Variants in SDK1 observed in about 807,000 individuals in gnomAD.
SDK1 encodes the protein sidekick cell adhesion molecule 1.
SDK1 carries 157 observed loss-of-function variants against 245.5 expected under a neutral mutation model. That is an observed-to-expected ratio of 0.64 (90% CI 0.56 to 0.73). SDK1 has a LOEUF of 0.73. Ranked by LOEUF, SDK1 falls within the 30% of genes least tolerant of loss-of-function variation. The probability of loss-of-function intolerance (pLI) is 0.00; values close to 1 mark genes in which losing one functional copy is unlikely to be tolerated. For synonymous variants in SDK1, 1,647 were observed against 1,278.5 expected, an observed-to-expected ratio of 1.29 and a Z score of -6.15; for missense variants, 3,583 against 3,002.3, an observed-to-expected ratio of 1.19 and a Z score of -4.52.
intron 1 of SDK1, among the ~76,000 whole-genome samples, chr7:3,509,680 C>G (rs1782513754): frequency 6.6e-6 from 1 of 152,190 alleles, no homozygotes; most frequent in African/African-American, 2.4e-5. Flanking sequence ...TCACTCAACA[C>G]TTAACCTCTG....
chr7:3,312,440 T>A (rs1481890941), intron 1 of SDK1, among the ~76,000 whole-genome samples: 1 of 151,968 alleles, frequency 6.6e-6, no homozygotes, highest in Non-Finnish European at 1.5e-5. Context: ...ATGAAAGAGA[T>A]TAATTGCTTA....
intron 5 of SDK1, among the ~76,000 whole-genome samples, chr7:3,831,839 G>A (rs1779919665): frequency 6.6e-6 from 1 of 152,048 alleles, no homozygotes; most frequent in South Asian, 2.1e-4. Flanking sequence ...TCGAGCCCAG[G>A]AGTTCAAGAC....
chr7:4,205,033 T>A (rs1435629391), intron 35 of SDK1, among the ~76,000 whole-genome samples: 1 of 75,198 alleles, frequency 1.3e-5, no homozygotes, highest in Non-Finnish European at 2.6e-5. Flanking sequence ...CGCAACATCC[T>A]CATGTGTCCT....
intron 14 of SDK1, among the ~76,000 whole-genome samples, chr7:4,005,039 CTTTTTTTTTTTTTT>C (rs1162979240): frequency 2.2e-5 from 2 of 91,002 alleles, no homozygotes; most frequent in African/African-American, 4.6e-5. Context: ...GTTCCTGCAC[CTTTTTTTTTTTTTT>C]TTTTTTTTTT....
intron 1 of SDK1, among the ~76,000 whole-genome samples, chr7:3,461,657 C>T (rs187194842): frequency 6.6e-6 from 1 of 152,158 alleles, no homozygotes; most frequent in East Asian, 1.9e-4. Context: ...AAAACTTTCC[C>T]TTTTCCTTCT....
chr7:3,684,524 TA>T (rs1346056361), intron 4 of SDK1, among the ~76,000 whole-genome samples: 14 of 152,118 alleles, frequency 9.2e-5, no homozygotes, highest in Non-Finnish European at 1.5e-4. Flanking sequence ...GTAAGCCCAC[TA>T]AAAAGAGATG....
intron 1 of SDK1, among the ~76,000 whole-genome samples, chr7:3,570,716 C>G (rs554729962): frequency 2.0e-5 from 3 of 152,188 alleles, no homozygotes; most frequent in Non-Finnish European, 4.4e-5. Context: ...TCTCACGTAA[C>G]GAGGCCTGTG....
intron 17 of SDK1, among the ~76,000 whole-genome samples, chr7:4,042,980 AC>A (rs1306125264): frequency 1.3e-5 from 2 of 152,336 alleles, no homozygotes; most frequent in East Asian, 3.9e-4. Context: ...TTTGAATTAA[AC>A]CTAGGGTATT....
chr7:4,114,162 C>T lies in SDK1; in HGVS notation c.3711C>T (p.Phe1237=). ...QVVSDRLERE[F]TIEELEEWME... ...TCAGTGACCGGCTGGAGAGAGAATT[C>T]ACCATCGAGGAGCTGGAGGAGTGGA... The change falls in exon 25 of 45, where the codon TTC becomes TTT. Residue 1237 remains phenylalanine, a synonymous_variant. Coordinates refer to ENST00000404826, the MANE Select transcript of SDK1 (RefSeq NM_152744.4). The T allele has an allele frequency of 6.2e-7, 1 of 1,614,230 alleles. No individual in the cohort carries two copies. Among genetic ancestry groups the T allele is most frequent in the Non-Finnish European group, 8.5e-7 (1 of 1,180,040 alleles).
intron 1 of SDK1, among the ~76,000 whole-genome samples, chr7:3,448,231 C>T (rs148922100): frequency 4.3e-4 from 66 of 152,184 alleles, no homozygotes; most frequent in African/African-American, 1.4e-3. Context: ...ACTGCTATCT[C>T]GTTGCTTTAA....
chr7:4,265,178 T>C lies in SDK1; in HGVS notation c.6436T>C (p.Tyr2146His). Residue 2146 changes from tyrosine to histidine, a missense_variant, in exon 45 of 45, where the codon TAC becomes CAC. Transcript: ENST00000404826. ...ALPKHSFVNH[Y>H]MSDPTYYNSW... is the part of the protein sequence containing the mutation. The stretch of plus-strand genomic sequence containing the variant: ...GCCCAAGCACTCCTTCGTGAACCAC[T>C]ACATGAGCGACCCCACCTACTACAA... The C allele has an allele frequency of 6.2e-7, 1 of 1,612,442 alleles. No homozygotes were observed. Among genetic ancestry groups the C allele is most frequent in the Non-Finnish European group, 8.5e-7 (1 of 1,179,636 alleles).
intron 1 of SDK1, among the ~76,000 whole-genome samples, chr7:3,481,368 T>C (rs10499335): frequency 0.53 from 81,078 of 151,940 alleles, 22,476 homozygotes; most frequent in African/African-American, 0.69. Flanking sequence ...TTTCGTTTAT[T>C]GAGTGTGATA....
At chr7:3,577,482 G>C (rs557715359) in intron 1 of SDK1, among the ~76,000 whole-genome samples, 1 of 151,954 alleles carries the variant, frequency 6.6e-6, no homozygotes, top group Admixed American at 6.6e-5. Context: ...TGCCCTACAG[G>C]ATGGCTCTTT....
At chr7:3,313,479 A>G (rs1779596651) in intron 1 of SDK1, among the ~76,000 whole-genome samples, 1 of 152,250 alleles carries the variant, frequency 6.6e-6, no homozygotes, top group African/African-American at 2.4e-5. Context: ...TAAAAAATGC[A>G]CTTCAAAAAG....
At chr7:3,496,245 C>T (rs1444727544) in intron 1 of SDK1, among the ~76,000 whole-genome samples, 1 of 152,090 alleles carries the variant, frequency 6.6e-6, no homozygotes, top group Non-Finnish European at 1.5e-5. Flanking sequence ...GTTAGCATAT[C>T]TGAGGCTCCC....
chr7:3,519,771 T>C (rs1241447671), intron 1 of SDK1, among the ~76,000 whole-genome samples: 1 of 152,186 alleles, frequency 6.6e-6, no homozygotes, highest in East Asian at 1.9e-4. Context: ...GAGACTCATA[T>C]AATAGAATTC....
At chr7:3,903,388 C>T (rs899295635) in intron 5 of SDK1, among the ~76,000 whole-genome samples, 10 of 152,034 alleles carry the variant, frequency 6.6e-5, no homozygotes, top group East Asian at 3.9e-4. Context: ...CCTTGTGATC[C>T]GCCCACCTCG....
chr7:3,832,371 T>C (rs530265087), intron 5 of SDK1, among the ~76,000 whole-genome samples: 17 of 152,362 alleles, frequency 1.1e-4, no homozygotes, highest in Middle Eastern at 3.4e-3. Flanking sequence ...GGTCACCTTT[T>C]GGTAGCAGTT....
chr7:3,511,780 A>T (rs1046677164), intron 1 of SDK1, among the ~76,000 whole-genome samples: 1 of 145,354 alleles, frequency 6.9e-6, no homozygotes, highest in Non-Finnish European at 1.5e-5. Context: ...TTAGGCAGCC[A>T]CTGTTTTTTT....
Sources: gnomAD v4.1 joint callset for allele counts (sites outside exome capture counted in the v4.1 genomes callset) on GRCh38, gnomAD v4.1.1 for gene constraint, MANE v1.5 for transcripts, NCBI Gene and HGNC (gene_info 2026-07-23, HGNC 2026-07-21) for gene names.